VIPAS39: variants seen among roughly 807,000 people sequenced by gnomAD.
The protein encoded by VIPAS39 is spermatogenesis-defective protein 39 homolog.
A neutral mutation model predicts 84.7 loss-of-function variants in VIPAS39; 63 were observed. The observed-to-expected ratio is 0.74, with a 90% CI of 0.61 to 0.92. The LOEUF (loss-of-function observed/expected upper bound fraction) is 0.92, where lower values mean the gene tolerates loss of function less well. Among genes scored for constraint, VIPAS39 ranks in the 40% least tolerant of loss-of-function variants. The probability of loss-of-function intolerance (pLI) is 0.00; values close to 1 mark genes in which losing one functional copy is unlikely to be tolerated. For synonymous variants in VIPAS39, 192 were observed against 216.5 expected (o/e 0.89, Z 0.99); for missense variants, 499 against 604.5 (o/e 0.83, Z 1.83).
chr14:77,450,831 T>C (rs929405204), intron 4 of VIPAS39, among the ~76,000 whole-genome samples: 3 of 152,096 alleles, frequency 2.0e-5, no homozygotes, highest in African/African-American at 7.2e-5. Flanking sequence ...TACTGTTTAA[T>C]TTTTTTTAAA....
rs553201076 is a variant in VIPAS39 at position 77,434,902 on chromosome 14, GAAAAA to G, written c.1047+352_1047+356del. The stretch of plus-strand genomic sequence containing the variant: ...CGACAGAGCAAGACTCCATCTCAGA[GAAAAA>G]AAAAAAAAAAGTATCCATAGCTACT... On this transcript the variant is annotated intron_variant, in intron 14 of 19. Transcript: ENST00000557658. Among the ~76,000 whole-genome samples, 1,325 of 133,050 alleles carry G rather than the reference GAAAAA, an allele frequency of 1.0e-2. 18 individuals carry two copies. The highest frequency in any genetic ancestry group is 0.042 in the South Asian group (175 of 4,208). The allele number at this position is 133,050 out of a possible 152,430, so 87.3% of individuals were successfully genotyped here. A position where few individuals can be genotyped will look rare whatever the true frequency, so the allele number is the denominator to read the frequency against.
chr14:77,449,255 C>T, intron 6 of VIPAS39, 38 bp downstream of exon 6: 2 of 1,592,894 alleles, frequency 1.3e-6, no homozygotes, highest in Non-Finnish European at 1.7e-6. Context: ...GTACTTTATA[C>T]TGTGGAAAGT....
At position 77,435,248 on chromosome 14, in the gene VIPAS39, T is replaced by C; in HGVS notation, c.1047+11A>G. On this transcript the variant is annotated intron_variant, in intron 14 of 19. Transcript: ENST00000557658. The stretch of plus-strand genomic sequence containing the variant: ...TGAGAGTTTGTGGAATCTTCCATAT[T>C]TTGCCTGTACCTCAGCCTCTGTGTA... 6.2e-7 allele frequency: 1 copy of C among 1,614,122 alleles called. No individual in the cohort carries two copies. Among genetic ancestry groups the C allele is most frequent in the African/African-American group, 1.3e-5 (1 of 75,016 alleles).
At chr14:77,432,601 G>C (rs997395725) in intron 16 of VIPAS39, among the ~76,000 whole-genome samples, 1 of 152,136 alleles carries the variant, frequency 6.6e-6, no homozygotes, top group South Asian at 2.1e-4. Flanking sequence ...AAAAAATAAG[G>C]AGATCCTGAC....
intron 2 of VIPAS39, 58 bp from the exon 3 acceptor site, chr14:77,453,459 C>A (rs2078915114): frequency 6.5e-7 from 1 of 1,535,088 alleles, no homozygotes; most frequent in Non-Finnish European, 9.0e-7. Context: ...CACCTCTCTT[C>A]TGACAATCAA....
chr14:77,446,141 G>C (rs773677526), intron 7 of VIPAS39, among the ~76,000 whole-genome samples: 1 of 151,758 alleles, frequency 6.6e-6, no homozygotes, highest in Non-Finnish European at 1.5e-5. Context: ...TTGTGTCCTA[G>C]GTAATAAATC....
chr14:77,434,083 A>G, intron 15 of VIPAS39, 152 bp from the exon 16 acceptor site: 2 of 1,185,012 alleles, frequency 1.7e-6, no homozygotes, highest in Non-Finnish European at 2.5e-6. Context: ...GAACTTCTTA[A>G]TTCCCAAGCC....
intron 6 of VIPAS39, 88 bp from the exon 7 acceptor site, chr14:77,448,638 T>C (rs1307780548): frequency 8.1e-6 from 11 of 1,353,358 alleles, no homozygotes; most frequent in Middle Eastern, 1.8e-4. Context: ...TCAGTCTTAG[T>C]GTCTAAGGGG....
intron 16 of VIPAS39, among the ~76,000 whole-genome samples, chr14:77,433,401 A>C (rs992958033): frequency 6.6e-6 from 1 of 152,144 alleles, no homozygotes; most frequent in African/African-American, 2.4e-5. Flanking sequence ...GGGTTTCACC[A>C]TGTTGGCCAG....
chr14:77,430,856 T>G (rs553832229), intron 16 of VIPAS39, among the ~76,000 whole-genome samples: 1 of 151,708 alleles, frequency 6.6e-6, no homozygotes, highest in African/African-American at 2.4e-5. Context: ...ACCAGTGGAA[T>G]AGAATAGAGA....
intron 1 of VIPAS39, among the ~76,000 whole-genome samples, chr14:77,454,920 T>C (rs1233857720): frequency 6.6e-6 from 1 of 151,594 alleles, no homozygotes; most frequent in African/African-American, 2.4e-5. Flanking sequence ...GCTCTGGGAA[T>C]ACTACAGTGA....
intron 17 of VIPAS39, 121 bp downstream of exon 17, chr14:77,429,560 C>G: frequency 2.0e-6 from 2 of 1,017,188 alleles, no homozygotes; most frequent in South Asian, 2.5e-5. Context: ...CCTATTGCAG[C>G]CATTGTGCTG....
chr14:77,435,097 G>C, intron 14 of VIPAS39, 162 bp downstream of exon 14: 1 of 1,084,660 alleles, frequency 9.2e-7, no homozygotes, highest in Non-Finnish European at 1.4e-6. Context: ...CTCCTGGCCA[G>C]ATGAGGCCCT....
At chr14:77,430,819 G>A (rs542481170) in intron 16 of VIPAS39, among the ~76,000 whole-genome samples, 23 of 152,002 alleles carry the variant, frequency 1.5e-4, no homozygotes, top group South Asian at 4.2e-4. Context: ...AAAACAGTAC[G>A]GGGCTGGCAT....
At position 77,427,182 on chromosome 14, in the gene VIPAS39, T is replaced by G. The variant is rs2078444267; in HGVS notation, c.*434A>C. The G allele has an allele frequency of 2.1e-5, 4 of 194,430 alleles. No homozygotes were observed. Among genetic ancestry groups the G allele is most frequent in the Non-Finnish European group, 4.3e-5 (4 of 93,648 alleles). 12.0% of individuals were successfully genotyped at this position (194,430 alleles called of 1,614,324 possible). A position where few individuals can be genotyped will look rare whatever the true frequency, so the allele number is the denominator to read the frequency against. On this transcript the variant is annotated 3_prime_UTR_variant, in exon 20 of 20. Coordinates refer to ENST00000557658, the MANE Select transcript of VIPAS39 (RefSeq NM_001193315.2). Reference sequence around the variant, plus strand: ...ACTGGCATTCCTTCCTGAGGCCATTTTGGTTCTGTTCTGACTTCATTCAGA... The same window carrying G: ...ACTGGCATTCCTTCCTGAGGCCATTGTGGTTCTGTTCTGACTTCATTCAGA...
chr14:77,427,396 G>T lies in VIPAS39; in HGVS notation c.*220C>A. The T allele has an allele frequency of 3.3e-6, 2 of 599,540 alleles. No individual in the cohort carries two copies. 37.1% of individuals were successfully genotyped at this position (599,540 alleles called of 1,614,324 possible). ...CCTTCATATGAGCACCAGGTGGAGAGAATCATTCTCATGACTCAAAGCTTT... is the reference window on the plus strand; with the variant it reads ...CCTTCATATGAGCACCAGGTGGAGATAATCATTCTCATGACTCAAAGCTTT... On this transcript the variant is annotated 3_prime_UTR_variant, in exon 20 of 20. Transcript: ENST00000557658.
rs1305703823 is a variant in VIPAS39, at chr14:77,450,839, A to T, written c.343+348T>A. 2.6e-5 allele frequency among the ~76,000 whole-genome samples: 4 copies of T among 152,112 alleles called. No individual in the cohort carries two copies. The East Asian group carries it at 5.8e-4, about 22-fold the overall frequency. ...ATATGTTTACTGTTTAATTTTTTTT[A>T]AAAAACCACCATACTGTCTTCCACG... On this transcript the variant is annotated intron_variant, in intron 4 of 19. Coordinates refer to ENST00000557658, the MANE Select transcript of VIPAS39 (RefSeq NM_001193315.2).
chr14:77,449,659 C>T lies in VIPAS39; in HGVS notation c.382+55G>A, dbSNP rs2078851535. On this transcript the variant is annotated intron_variant, in intron 5 of 19. Coordinates refer to ENST00000557658, the MANE Select transcript of VIPAS39 (RefSeq NM_001193315.2). ...CTACCTGTCCCCATAACTCCCCAGACTGTACCAGATCAGTAACATTTCCCA... is the reference window on the plus strand; with the variant it reads ...CTACCTGTCCCCATAACTCCCCAGATTGTACCAGATCAGTAACATTTCCCA... 11 of 1,607,958 alleles carry T rather than the reference C, an allele frequency of 6.8e-6. 1 individual carries two copies. In the South Asian group the frequency reaches 8.8e-5, roughly 13 times the overall value.
In VIPAS39 at chr14:77,453,329, G is replaced by A. The variant is rs765225108; in HGVS notation, c.166C>T (p.Arg56Ter). 1 of 1,613,940 alleles carries A rather than the reference G, an allele frequency of 6.2e-7. No homozygotes were observed. Among genetic ancestry groups the A allele is most frequent in the Non-Finnish European group, 8.5e-7 (1 of 1,179,986 alleles). ...VDDDDDDDLE[R>*]VSWSGEPVGS... is the part of the protein sequence containing the mutation. Reference sequence around the variant, plus strand: ...ACAGGTTCCCCACTCCAGCTGACTCGCTCCAGGTCATCATCGTCATCATCA... The same window carrying A: ...ACAGGTTCCCCACTCCAGCTGACTCACTCCAGGTCATCATCGTCATCATCA... The change falls in exon 3 of 20, where the codon CGA (arginine) becomes TGA (stop). Residue 56 changes from arginine (R) to a stop codon, truncating the protein, a stop_gained. Coordinates refer to ENST00000557658, the MANE Select transcript of VIPAS39 (RefSeq NM_001193315.2). LOFTEE classifies it high-confidence loss of function.
Sources: gnomAD v4.1 joint callset for allele counts (sites outside exome capture counted in the v4.1 genomes callset) on GRCh38, gnomAD v4.1.1 for gene constraint, MANE v1.5 for transcripts, NCBI Gene and HGNC (gene_info 2026-07-23, HGNC 2026-07-21) for gene names.